MTCL1: variants seen among roughly 807,000 people sequenced by gnomAD.
The protein encoded by MTCL1 is microtubule cross-linking factor 1.
In MTCL1, 79 loss-of-function variants were observed where a neutral mutation model predicts 141.4. That is an observed-to-expected ratio of 0.56 (90% CI 0.47 to 0.67). MTCL1 has a LOEUF of 0.67. MTCL1 is among the 30% of genes least tolerant of loss of function. The probability of loss-of-function intolerance (pLI) is 0.00; values close to 1 mark genes in which losing one functional copy is unlikely to be tolerated. For synonymous variants in MTCL1, 914 were observed against 875.8 expected (o/e 1.04, Z -0.77); for missense variants, 2,177 against 2,113.9 (o/e 1.03, Z -0.59).
intron 4 of MTCL1, among the ~76,000 whole-genome samples, chr18:8,752,664 A>G (rs2096377772): frequency 6.6e-6 from 1 of 152,250 alleles, no homozygotes; most frequent in Non-Finnish European, 1.5e-5. Flanking sequence ...GTTAAACACA[A>G]TAGAATGATA....
At chr18:8,743,317 T>C (rs2096315149) in intron 4 of MTCL1, among the ~76,000 whole-genome samples, 1 of 152,246 alleles carries the variant, frequency 6.6e-6, no homozygotes, top group African/African-American at 2.4e-5. Flanking sequence ...TTTCCTTTTC[T>C]TTACTTTTCC....
chr18:8,799,580 A>G (rs758349275), intron 10 of MTCL1, among the ~76,000 whole-genome samples: 10 of 152,218 alleles, frequency 6.6e-5, no homozygotes, highest in Non-Finnish European at 1.5e-4. Context: ...TTTGCAAATA[A>G]TGCTTTACAA....
intron 7 of MTCL1, chr18:8,789,764 T>C: frequency 1.1e-6 from 1 of 929,472 alleles, no homozygotes; most frequent in Non-Finnish European, 1.3e-6. Context: ...ATCAAACCTT[T>C]GGGGATTGGG....
At position 8,737,669 on chromosome 18, in the gene MTCL1, C is replaced by T. The variant is rs773408237; in HGVS notation, c.357+17173C>T. On this transcript the variant is annotated intron_variant, in intron 4 of 16. Transcript: ENST00000359865. ...GATGACTGAGGGAATGCTTTATAAACGATGCAGGCTAAGGATAGAGCACTG... is the reference window on the plus strand; with the variant it reads ...GATGACTGAGGGAATGCTTTATAAATGATGCAGGCTAAGGATAGAGCACTG... Among the ~76,000 whole-genome samples the T allele has an allele frequency of 2.5e-4, 38 of 152,228 alleles. 1 individual carries two copies. The highest frequency in any genetic ancestry group is 4.1e-4 in the Non-Finnish European group (28 of 68,044).
chr18:8,710,453 C>CTTCCT (rs2096081393), intron 1 of MTCL1, among the ~76,000 whole-genome samples: 1 of 112,424 alleles, frequency 8.9e-6, no homozygotes, highest in African/African-American at 3.6e-5. Flanking sequence ...AACCCAGGCA[C>CTTCCT]TTTCTTTTTT....
At chr18:8,785,899 GAAC>G (rs745876640) in intron 6 of MTCL1, 34 bp from the exon 6 acceptor site, 5 of 1,532,782 alleles carry the variant, frequency 3.3e-6, no homozygotes, top group Non-Finnish European at 2.6e-6. Context: ...AAATTTTAAA[GAAC>G]AACAACAACA....
intron 5 of MTCL1, 90 bp from the exon 5 acceptor site, chr18:8,783,440 A>C (rs1598634899): frequency 1.7e-6 from 2 of 1,196,468 alleles, no homozygotes; most frequent in Admixed American, 5.1e-5. Context: ...GTTTGTGTGC[A>C]TTGGGGGCGA....
intron 7 of MTCL1, among the ~76,000 whole-genome samples, chr18:8,790,588 A>G (rs632328): frequency 0.53 from 80,492 of 152,104 alleles, 23,199 homozygotes; most frequent in African/African-American, 0.77. Flanking sequence ...GCTTTAGATG[A>G]TGCCTAGCAC....
intron 10 of MTCL1, among the ~76,000 whole-genome samples, chr18:8,799,747 T>A (rs1171825611): frequency 6.6e-6 from 1 of 152,244 alleles, no homozygotes. Context: ...TTCACGCAGA[T>A]GCTCTGGACA....
chr18:8,786,110 T>TCCCCGCCCCCCCCCCCCC lies in MTCL1; in HGVS notation c.1887+23_1887+24insGCCCCCCCCCCCCCCCCC. The stretch of plus-strand genomic sequence containing the variant: ...CCTGGAGGTCAGCGTGGGCAAGCAA[T>TCCCCGCCCCCCCCCCCCC]CCCCCCCCCCCGCCCTCCCCCTCCT... On this transcript the variant is annotated intron_variant, in intron 7 of 16. Coordinates refer to ENST00000359865, the Ensembl canonical transcript of MTCL1. 1.5e-6 allele frequency: 2 copies of TCCCCGCCCCCCCCCCCCC among 1,310,348 alleles called. No individual in the cohort carries two copies. Among genetic ancestry groups the TCCCCGCCCCCCCCCCCCC allele is most frequent in the Non-Finnish European group, 1.0e-6 (1 of 990,148 alleles). 81.2% of individuals were successfully genotyped at this position (1,310,348 alleles called of 1,614,324 possible). A position where few individuals can be genotyped will look rare whatever the true frequency, so the allele number is the denominator to read the frequency against.
At chr18:8,808,035 C>T (rs1214849145) in intron 11 of MTCL1, among the ~76,000 whole-genome samples, 4 of 152,056 alleles carry the variant, frequency 2.6e-5, no homozygotes, top group East Asian at 1.9e-4. Flanking sequence ...TCCAGCTCTC[C>T]TGGTACCCAC....
chr18:8,797,070 C>T (rs1365825102), intron 9 of MTCL1, among the ~76,000 whole-genome samples: 1 of 152,188 alleles, frequency 6.6e-6, no homozygotes. Flanking sequence ...GTTAAGAGTG[C>T]CCTGGTCCAT....
chr18:8,793,834 C>T (rs903769373), intron 8 of MTCL1, among the ~76,000 whole-genome samples: 2 of 152,196 alleles, frequency 1.3e-5, no homozygotes, highest in Admixed American at 6.5e-5. Flanking sequence ...GAATAGAGCA[C>T]GTTGGTGTTT....
At chr18:8,740,891 G>C (rs1010674240) in intron 4 of MTCL1, among the ~76,000 whole-genome samples, 3 of 152,230 alleles carry the variant, frequency 2.0e-5, no homozygotes, top group African/African-American at 7.2e-5. Flanking sequence ...CATAGCCCAA[G>C]GCAGCACCTG....
At chr18:8,796,369 G>C (rs1367963844) in exon 9 of MTCL1, 1 of 1,614,222 alleles carries the variant, frequency 6.2e-7, no homozygotes. Flanking sequence ...CCTTGAAGCA[G>C]AACATTTTCC....
intron 16 of MTCL1, chr18:8,829,468 C>T: frequency 1.0e-6 from 1 of 956,888 alleles, no homozygotes. Context: ...TCTTGTCCTT[C>T]CAAGTGAGCA....
At chr18:8,829,047 T>C in intron 16 of MTCL1, 1 of 1,608,508 alleles carries the variant, frequency 6.2e-7, no homozygotes, top group African/African-American at 1.3e-5. Flanking sequence ...GCTCATCACC[T>C]GAGGGAGTTC....
At chr18:8,739,059 C>T (rs991875416) in intron 4 of MTCL1, among the ~76,000 whole-genome samples, 15 of 152,088 alleles carry the variant, frequency 9.9e-5, no homozygotes, top group African/African-American at 3.4e-4. Context: ...GGCAACATAG[C>T]AAGACCTTGC....
exon 17 of MTCL1, chr18:8,831,739 G>C: frequency 6.4e-7 from 1 of 1,550,494 alleles, no homozygotes; most frequent in Non-Finnish European, 8.7e-7. Context: ...GTCACCCGGA[G>C]ACCCGACGTC....
Sources: gnomAD v4.1 joint callset for allele counts (sites outside exome capture counted in the v4.1 genomes callset) on GRCh38, gnomAD v4.1.1 for gene constraint, MANE v1.5 for transcripts, NCBI Gene and HGNC (gene_info 2026-07-23, HGNC 2026-07-21) for gene names.